XIRP2: variants seen among roughly 807,000 people sequenced by gnomAD.
XIRP2 encodes xin actin-binding repeat-containing protein 2.
A neutral mutation model predicts 277.0 loss-of-function variants in XIRP2; 236 were observed. That is an observed-to-expected ratio of 0.85 (90% CI 0.77 to 0.95). The LOEUF (loss-of-function observed/expected upper bound fraction) is 0.95. Among genes scored for constraint, XIRP2 ranks in the 40% least tolerant of loss-of-function variants. The pLI is 0.00. For missense variants in XIRP2, 4,640 were observed against 4,157.5 expected (o/e 1.12, Z -3.19); for synonymous variants, 1,490 against 1,416.5 (o/e 1.05, Z -1.17).
At chr2:167,078,837 CAAA>C (rs71031277) in intron 2 of XIRP2, among the ~76,000 whole-genome samples, 188 of 127,190 alleles carry the variant, frequency 1.5e-3, no homozygotes, top group Middle Eastern at 4.0e-3. Context: ...GACTCCGTCT[CAAA>C]AAAAAAAAAA....
At chr2:167,131,994 T>C (rs574437388) in intron 2 of XIRP2, among the ~76,000 whole-genome samples, 3 of 151,964 alleles carry the variant, frequency 2.0e-5, no homozygotes, top group South Asian at 2.1e-4. Context: ...TCTCACTCCC[T>C]CTCTCTCTCA....
At chr2:167,195,746 CAGTG>C (rs1170473819) in intron 3 of XIRP2, among the ~76,000 whole-genome samples, 9 of 152,154 alleles carry the variant, frequency 5.9e-5, no homozygotes, top group Admixed American at 5.9e-4. Flanking sequence ...GATCAGAAAT[CAGTG>C]GGTATAGGGA....
intron 2 of XIRP2, among the ~76,000 whole-genome samples, chr2:166,952,221 T>C (rs1299349246): frequency 6.6e-6 from 1 of 151,994 alleles, no homozygotes; most frequent in Non-Finnish European, 1.5e-5. Context: ...CCAGGGTCAC[T>C]CACCCAGCTA....
intron 2 of XIRP2, among the ~76,000 whole-genome samples, chr2:166,932,456 C>A (rs192405249): frequency 5.3e-4 from 80 of 152,146 alleles, no homozygotes; most frequent in African/African-American, 1.7e-3. Flanking sequence ...TCAAGCAATC[C>A]TCCCACCTCA....
At chr2:167,150,301 T>C (rs1307677140) in intron 3 of XIRP2, among the ~76,000 whole-genome samples, 2 of 152,014 alleles carry the variant, frequency 1.3e-5, no homozygotes, top group Admixed American at 1.3e-4. Flanking sequence ...CATATGTTGT[T>C]GGTGGTAGTA....
intron 2 of XIRP2, among the ~76,000 whole-genome samples, chr2:166,951,774 A>G (rs1423415831): frequency 1.3e-5 from 2 of 151,982 alleles, no homozygotes; most frequent in Non-Finnish European, 2.9e-5. Flanking sequence ...ATCTTCTGCA[A>G]TCTTTACCCA....
In XIRP2 at chr2:167,214,466, G is replaced by A. The variant is rs187107261; in HGVS notation, c.723+3571G>A. 3.4e-3 allele frequency among the ~76,000 whole-genome samples: 436 copies of A among 128,758 alleles called. 1 individual carries two copies. Among genetic ancestry groups the A allele is most frequent in the African/African-American group, 0.013 (408 of 31,204 alleles). 84.5% of individuals were successfully genotyped at this position (128,758 alleles called of 152,430 possible). On this transcript the variant is annotated intron_variant, in intron 4 of 10. Transcript: ENST00000409195. Reference sequence around the variant, plus strand: ...CACTCCAGCCCGGACGGCTGAGTGAGACTCCATCTCAAAAAAAAAAAAAAA... The same window carrying A: ...CACTCCAGCCCGGACGGCTGAGTGAAACTCCATCTCAAAAAAAAAAAAAAA...
chr2:167,143,395 G>A (rs1353036416), intron 3 of XIRP2, among the ~76,000 whole-genome samples: 1 of 152,096 alleles, frequency 6.6e-6, no homozygotes, highest in African/African-American at 2.4e-5. Flanking sequence ...ACTGGGAGTT[G>A]ACCAAGAGGA....
chr2:166,917,883 T>C (rs1274896225), intron 2 of XIRP2, among the ~76,000 whole-genome samples: 2 of 152,194 alleles, frequency 1.3e-5, no homozygotes, highest in Non-Finnish European at 1.5e-5. Flanking sequence ...ATTTAACAAA[T>C]ACCGTAAGTG....
chr2:167,084,269 C>G (rs1045886514), intron 2 of XIRP2, among the ~76,000 whole-genome samples: 23 of 152,144 alleles, frequency 1.5e-4, no homozygotes, highest in Non-Finnish European at 2.6e-4. Flanking sequence ...ATTGAACCAG[C>G]CTTGCATCCT....
In XIRP2 at chr2:167,250,433, A is replaced by G; in HGVS notation, c.9041A>G (p.His3014Arg). Residue 3014 changes from histidine to arginine, a missense_variant, in exon 9 of 11, where the codon CAT (histidine) becomes CGT (arginine). By Grantham distance (29) the His-to-Arg change is conservative. Transcript: ENST00000409195. Reference sequence around the variant, plus strand: ...GAAAAAGTAAAAGAAGAAATAACACATATTAAAACTCAAGCGGAAGATATG... The same window carrying G: ...GAAAAAGTAAAAGAAGAAATAACACGTATTAAAACTCAAGCGGAAGATATG... ...NLEKVKEEIT[H>R]IKTQAEDMLV... 2 of 1,613,408 alleles carry G rather than the reference A, an allele frequency of 1.2e-6. No homozygotes were observed. The highest frequency in any genetic ancestry group is 1.7e-6 in the Non-Finnish European group (2 of 1,179,644).
Position 167,250,344 on chromosome 2 carries a change from AG to A in XIRP2, c.8954del (p.Gly2985AspfsTer3). 6.2e-7 allele frequency: 1 copy of A among 1,613,612 alleles called. No individual in the cohort carries two copies. Among genetic ancestry groups the A allele is most frequent in the Non-Finnish European group, 8.5e-7 (1 of 1,179,698 alleles). ...TFQTLLNTIPGWLISEDKREY... is the reference protein window; with the variant it reads ...TFQTLLNTIPXWLISEDKREY... ...TTCAGACACTATTAAATACTATCCC[AG>A]GATGGCTGATAAGTGAAGATAAGAG... is the stretch of plus-strand genomic sequence containing the variant. On this transcript the variant is annotated frameshift_variant, in exon 9 of 11. Coordinates refer to ENST00000409195, the MANE Select transcript of XIRP2 (RefSeq NM_152381.6). LOFTEE classifies it high-confidence loss of function.
chr2:167,241,699 C>G (rs1257645677), intron 7 of XIRP2, 78 bp from the exon 8 acceptor site: 1 of 1,479,094 alleles, frequency 6.8e-7, no homozygotes, highest in African/African-American at 1.4e-5. Flanking sequence ...AATGAGCCAC[C>G]ATGCCCAGCC....
At chr2:167,157,018 C>T (rs1205649120) in intron 3 of XIRP2, among the ~76,000 whole-genome samples, 2 of 152,104 alleles carry the variant, frequency 1.3e-5, no homozygotes, top group East Asian at 1.9e-4. Flanking sequence ...TTAAATCATC[C>T]TTATACATTT....
At chr2:167,220,268 T>G (rs1429703892) in intron 5 of XIRP2, among the ~76,000 whole-genome samples, 1 of 152,174 alleles carries the variant, frequency 6.6e-6, no homozygotes, top group Non-Finnish European at 1.5e-5. Context: ...GTGGCTAAGA[T>G]CACAGATATT....
chr2:166,910,546 A>T (rs1684672309), intron 2 of XIRP2, among the ~76,000 whole-genome samples: 1 of 151,892 alleles, frequency 6.6e-6, no homozygotes, highest in Non-Finnish European at 1.5e-5. Context: ...AATTTTGTCG[A>T]TCCTTTCAAA....
intron 5 of XIRP2, among the ~76,000 whole-genome samples, chr2:167,232,078 A>G (rs770705061): frequency 1.2e-3 from 178 of 152,156 alleles, no homozygotes; most frequent in Non-Finnish European, 1.9e-3. Flanking sequence ...TAAATCAGTC[A>G]GACTCCAATG....
At chr2:167,087,610 ACC>A (rs1290308432) in intron 2 of XIRP2, among the ~76,000 whole-genome samples, 8 of 151,296 alleles carry the variant, frequency 5.3e-5, no homozygotes, top group African/African-American at 1.9e-4. Flanking sequence ...TGGGCGTAGG[ACC>A]CTCCGAGCCA....
At chr2:167,123,935 G>C (rs1468751941) in intron 2 of XIRP2, 1 of 152,164 alleles carries the variant, frequency 6.6e-6, no homozygotes, top group African/African-American at 2.4e-5. Flanking sequence ...TGGATGTGCT[G>C]AGTGCACAGG....
Sources: allele counts gnomAD v4.1 joint callset (sites outside exome capture counted in the v4.1 genomes callset), GRCh38; gene constraint gnomAD v4.1.1; transcripts MANE v1.5; gene names NCBI Gene and HGNC (gene_info 2026-07-23, HGNC 2026-07-21).